Variants in IFT57 observed in about 807,000 individuals in gnomAD.
The protein encoded by IFT57 is intraflagellar transport 57.
In IFT57, 59 loss-of-function variants were observed where a neutral mutation model predicts 56.8. That is an observed-to-expected ratio of 1.04 (90% confidence interval 0.84 to 1.29). The LOEUF (loss-of-function observed/expected upper bound fraction) is 1.29. IFT57 is among the 50% of genes most tolerant of loss of function. The probability of loss-of-function intolerance (pLI) is 0.00; values close to 1 mark genes in which losing one functional copy is unlikely to be tolerated. For missense variants in IFT57, 470 were observed against 522.1 expected (o/e 0.90, Z 0.97); for synonymous variants, 209 against 186.1 (o/e 1.12, Z -1.00).
At chr3:108,213,311 A>G (rs549085388) in intron 4 of IFT57, among the ~76,000 whole-genome samples, 6 of 151,620 alleles carry the variant, frequency 4.0e-5, no homozygotes, top group Non-Finnish European at 7.4e-5. Context: ...TTTTCCCCCA[A>G]CCATTTCTGC....
In IFT57 at chr3:108,174,630, A is replaced by T. The variant is rs372750800; in HGVS notation, c.778-6766T>A. The stretch of plus-strand genomic sequence containing the variant: ...TGGGACGAGAACACTTTCCTGCTTC[A>T]TTGATGCTGACCTTCACTATGTGGT... On this transcript the variant is annotated intron_variant, in intron 6 of 10. Transcript: ENST00000264538. Among the ~76,000 whole-genome samples, 141 of 151,926 alleles carry T rather than the reference A, an allele frequency of 9.3e-4. 2 individuals are homozygous for T. The highest frequency in any genetic ancestry group is 3.2e-3 in the African/African-American group (133 of 41,498).
intron 5 of IFT57, among the ~76,000 whole-genome samples, chr3:108,192,028 C>T (rs1407284447): frequency 2.6e-5 from 4 of 151,476 alleles, no homozygotes; most frequent in Non-Finnish European, 2.9e-5. Flanking sequence ...ACACTTAAAT[C>T]GGGCATGGTG....
chr3:108,175,296 T>C (rs1052334835), intron 6 of IFT57, among the ~76,000 whole-genome samples: 18 of 151,738 alleles, frequency 1.2e-4, no homozygotes, highest in Admixed American at 3.9e-4. Flanking sequence ...AATACTACAG[T>C]ATATCATTTC....
At chr3:108,205,769 T>C (rs1446781344) in intron 5 of IFT57, among the ~76,000 whole-genome samples, 3 of 142,968 alleles carry the variant, frequency 2.1e-5, no homozygotes, top group Admixed American at 7.3e-5. Context: ...ATATAATATA[T>C]AAAATATTAT....
chr3:108,173,525 C>T (rs899032085), intron 6 of IFT57, among the ~76,000 whole-genome samples: 17 of 151,830 alleles, frequency 1.1e-4, no homozygotes, highest in African/African-American at 3.9e-4. Context: ...CTTAGCCTAG[C>T]TTACCTTCAA....
chr3:108,216,852 A>G (rs184240991), intron 3 of IFT57, among the ~76,000 whole-genome samples: 2 of 152,338 alleles, frequency 1.3e-5, no homozygotes, highest in East Asian at 3.9e-4. Flanking sequence ...CACTATGTCA[A>G]GTGAAATAAG....
Position 108,186,321 on chromosome 3 carries a change from C to CAAAA in IFT57, c.777+5196_777+5199dup, listed in dbSNP as rs3053401. ...ATCATGATAGAGACTGTGGCTATGC[C>CAAAA]AAAAAAAAAAAAAAATGTTGGTGGG... is the stretch of plus-strand genomic sequence containing the variant. On this transcript the variant is annotated intron_variant, in intron 6 of 10. Transcript: ENST00000264538. Among the ~76,000 whole-genome samples, 557 of 139,988 alleles carry CAAAA rather than the reference C, an allele frequency of 4.0e-3. 8 individuals are homozygous for CAAAA. Among genetic ancestry groups the CAAAA allele is most frequent in the African/African-American group, 7.2e-3 (271 of 37,666 alleles). 91.8% of individuals were successfully genotyped at this position (139,988 alleles called of 152,430 possible).
chr3:108,183,937 A>G (rs529591416), intron 6 of IFT57, among the ~76,000 whole-genome samples: 5 of 152,138 alleles, frequency 3.3e-5, no homozygotes, highest in Admixed American at 6.6e-5. Flanking sequence ...AGCTTCAACT[A>G]TTGTTATATT....
At chr3:108,210,221 C>CATATTT (rs2080336242) in intron 4 of IFT57, among the ~76,000 whole-genome samples, 1 of 151,500 alleles carries the variant, frequency 6.6e-6, no homozygotes, top group Non-Finnish European at 1.5e-5. Context: ...ATGACCCCAA[C>CATATTT]ATATTTATAA....
At chr3:108,211,041 T>C (rs1371035369) in intron 4 of IFT57, among the ~76,000 whole-genome samples, 1 of 152,230 alleles carries the variant, frequency 6.6e-6, no homozygotes, top group Non-Finnish European at 1.5e-5. Context: ...GTGCCGATAG[T>C]TTGATTTTAT....
intron 6 of IFT57, among the ~76,000 whole-genome samples, chr3:108,189,902 TAAGA>T (rs1160100535): frequency 5.3e-5 from 8 of 152,188 alleles, no homozygotes; most frequent in African/African-American, 9.7e-5. Flanking sequence ...AAGAAAATCA[TAAGA>T]AAGAAAATAT....
rs886170645 is a variant in IFT57, at chr3:108,214,008, C to T, written c.508G>A (p.Val170Ile). The stretch of plus-strand genomic sequence containing the variant: ...ACGCTTTCTTCTTCTAATTCTTCTA[C>T]TGGGTATATTGGCCTAAAATAATAA... Reference protein sequence around the residue: ...GFTWKRPIYPVEELEEESVAE... With the variant: ...GFTWKRPIYPIEELEEESVAE... Residue 170 changes from valine (V) to isoleucine (I), a missense_variant, in exon 4 of 11, where the codon GTA becomes ATA. Coordinates refer to ENST00000264538, the MANE Select transcript of IFT57 (RefSeq NM_018010.4). The T allele has an allele frequency of 3.8e-6, 6 of 1,595,336 alleles. No homozygotes were observed. The African/African-American group carries it at 4.0e-5, about 11-fold the overall frequency.
At chr3:108,175,690 C>G (rs2080120185) in intron 6 of IFT57, among the ~76,000 whole-genome samples, 1 of 151,572 alleles carries the variant, frequency 6.6e-6, no homozygotes, top group East Asian at 1.9e-4. Context: ...CTCTCTGAAA[C>G]TGCAGGAAAA....
At position 108,166,927 on chromosome 3, in the gene IFT57, C is replaced by T. The variant is rs771681320; in HGVS notation, c.908G>A (p.Arg303Gln). Residue 303 changes from arginine to glutamine, a missense_variant, in exon 8 of 11, where the codon CGA becomes CAA. By Grantham distance (43) the Arg-to-Gln change is conservative (BLOSUM62 1). Coordinates refer to ENST00000264538, the MANE Select transcript of IFT57 (RefSeq NM_018010.4). ...AAGCTGATTGTTGATGTACTTTTCTCGGCTGCTGATCTTTTCCAAAGTCCT... is the reference window on the plus strand; with the variant it reads ...AAGCTGATTGTTGATGTACTTTTCTTGGCTGCTGATCTTTTCCAAAGTCCT... The part of the protein sequence containing the change: ...ITRTLEKISS[R>Q]EKYINNQLEN... The T allele has an allele frequency of 4.3e-6, 7 of 1,611,536 alleles. No homozygotes were observed. The highest frequency in any genetic ancestry group is 1.1e-5 in the South Asian group (1 of 90,886).
At chr3:108,197,551 G>T (rs1248393355) in intron 5 of IFT57, among the ~76,000 whole-genome samples, 6 of 152,110 alleles carry the variant, frequency 3.9e-5, no homozygotes, top group Non-Finnish European at 7.4e-5. Flanking sequence ...AGTAATCTTT[G>T]GTCAAGCATC....
chr3:108,181,267 T>C (rs1208279322), intron 6 of IFT57, among the ~76,000 whole-genome samples: 1 of 151,984 alleles, frequency 6.6e-6, no homozygotes, highest in Admixed American at 6.6e-5. Flanking sequence ...TTGCTAAGAA[T>C]AGCTAGGTTT....
chr3:108,184,517 C>CA (rs147493630), intron 6 of IFT57, among the ~76,000 whole-genome samples: 14,640 of 151,584 alleles, frequency 0.097, 771 homozygotes, highest in Middle Eastern at 0.12. Context: ...CATAAATATA[C>CA]AAAAAAAACT....
chr3:108,202,289 C>T (rs1219803870), intron 5 of IFT57, among the ~76,000 whole-genome samples: 10 of 152,288 alleles, frequency 6.6e-5, no homozygotes, highest in East Asian at 5.8e-4. Flanking sequence ...CTCATAATTA[C>T]GGCATAGCCA....
intron 5 of IFT57, among the ~76,000 whole-genome samples, chr3:108,201,722 G>A (rs1324505516): frequency 1.3e-5 from 2 of 152,052 alleles, no homozygotes; most frequent in African/African-American, 4.8e-5. Flanking sequence ...TACTCAGTAA[G>A]AATATTTTAT....
Sources: gnomAD v4.1 joint callset for allele counts (sites outside exome capture counted in the v4.1 genomes callset) on GRCh38, gnomAD v4.1.1 for gene constraint, MANE v1.5 for transcripts, NCBI Gene and HGNC (gene_info 2026-07-23, HGNC 2026-07-21) for gene names.